GMDS: variants seen among roughly 807,000 people sequenced by gnomAD.
GMDS encodes GDP-mannose 4,6-dehydratase, also known as GDP-mannose 4,6 dehydratase.
A neutral mutation model predicts 49.9 loss-of-function variants in GMDS; 20 were observed. That is an observed-to-expected ratio of 0.40 (90% CI 0.28 to 0.58). The LOEUF is 0.58. GMDS is among the 20% of genes least tolerant of loss of function. GMDS has a pLI of 0.42. For missense variants in GMDS, 362 were observed against 481.4 expected (o/e 0.75, Z 2.32); for synonymous variants, 177 against 178.6 (o/e 0.99, Z 0.07).
At chr6:1,866,723 A>G (rs1758459051) in intron 7 of GMDS, among the ~76,000 whole-genome samples, 1 of 152,240 alleles carries the variant, frequency 6.6e-6, no homozygotes, top group South Asian at 2.1e-4. Context: ...TACAGCACCA[A>G]CATCCCAGAA....
At chr6:1,956,774 A>C (rs1763660112) in intron 6 of GMDS, among the ~76,000 whole-genome samples, 1 of 152,198 alleles carries the variant, frequency 6.6e-6, no homozygotes, top group African/African-American at 2.4e-5. Flanking sequence ...TCTGTTTATT[A>C]ATGTATATCA....
At chr6:2,231,960 A>T (rs1370840300) in intron 1 of GMDS, among the ~76,000 whole-genome samples, 1 of 152,152 alleles carries the variant, frequency 6.6e-6, no homozygotes, top group East Asian at 1.9e-4. Context: ...AAATTTTTTT[A>T]ATAGTATTCA....
intron 9 of GMDS, among the ~76,000 whole-genome samples, chr6:1,644,708 T>G (rs1047003759): frequency 1.3e-5 from 2 of 152,158 alleles, no homozygotes; most frequent in South Asian, 2.1e-4. Flanking sequence ...CTGTGAGGTT[T>G]TCTGGTGACC....
chr6:1,750,432 G>A (rs1767672283), intron 7 of GMDS, among the ~76,000 whole-genome samples: 1 of 152,170 alleles, frequency 6.6e-6, no homozygotes, highest in South Asian at 2.1e-4. Flanking sequence ...CCCATGGAGG[G>A]TGAGCCGAAG....
At chr6:1,701,955 A>G (rs1765556955) in intron 9 of GMDS, among the ~76,000 whole-genome samples, 1 of 152,254 alleles carries the variant, frequency 6.6e-6, no homozygotes, top group Non-Finnish European at 1.5e-5. Context: ...TGCCTTTTAC[A>G]GGCAGACATG....
intron 4 of GMDS, among the ~76,000 whole-genome samples, chr6:1,988,602 T>C (rs967211956): frequency 6.6e-6 from 1 of 152,200 alleles, no homozygotes; most frequent in Non-Finnish European, 1.5e-5. Context: ...GCATGCCATC[T>C]GTAATAATGC....
intron 9 of GMDS, among the ~76,000 whole-genome samples, chr6:1,647,968 A>G (rs1763537461): frequency 6.6e-6 from 1 of 152,162 alleles, no homozygotes; most frequent in Non-Finnish European, 1.5e-5. Flanking sequence ...CAGTTCCCAC[A>G]TCCCTGATGC....
At chr6:1,826,515 T>C (rs540522938) in intron 7 of GMDS, among the ~76,000 whole-genome samples, 1 of 152,366 alleles carries the variant, frequency 6.6e-6, no homozygotes, top group East Asian at 1.9e-4. Context: ...TATTTGGACC[T>C]TGTCTAAACC....
intron 7 of GMDS, among the ~76,000 whole-genome samples, chr6:1,848,960 T>C (rs1016167950): frequency 1.3e-5 from 2 of 152,174 alleles, no homozygotes; most frequent in South Asian, 4.1e-4. Context: ...CTGCAGGATG[T>C]GTAGCAGCAT....
intron 3 of GMDS, among the ~76,000 whole-genome samples, chr6:2,116,283 C>T (rs1216718313): frequency 6.6e-6 from 1 of 152,056 alleles, no homozygotes; most frequent in Non-Finnish European, 1.5e-5. Flanking sequence ...GAAGACAGCT[C>T]TCTTTTCTTT....
At chr6:1,639,981 G>C (rs1426355492) in intron 9 of GMDS, among the ~76,000 whole-genome samples, 1 of 152,214 alleles carries the variant, frequency 6.6e-6, no homozygotes, top group Non-Finnish European at 1.5e-5. Context: ...GTTCCATGAT[G>C]TATAAGCCTG....
At chr6:1,868,995 A>G (rs947837198) in intron 7 of GMDS, among the ~76,000 whole-genome samples, 2 of 152,250 alleles carry the variant, frequency 1.3e-5, no homozygotes, top group African/African-American at 4.8e-5. Flanking sequence ...CAAAAGAAAT[A>G]TTAAAATAGG....
chr6:2,170,796 C>T (rs968274662), intron 1 of GMDS, among the ~76,000 whole-genome samples: 3 of 152,020 alleles, frequency 2.0e-5, no homozygotes, highest in African/African-American at 7.3e-5. Context: ...GAGATCGAGA[C>T]CATCCTGACT....
chr6:2,065,436 G>A (rs1387667198), intron 4 of GMDS, among the ~76,000 whole-genome samples: 1 of 152,198 alleles, frequency 6.6e-6, no homozygotes, highest in Non-Finnish European at 1.5e-5. Context: ...TGACTTTGAC[G>A]AGCTGAGAGA....
chr6:2,156,694 T>A (rs1301885494), intron 1 of GMDS, among the ~76,000 whole-genome samples: 1 of 152,174 alleles, frequency 6.6e-6, no homozygotes, highest in Non-Finnish European at 1.5e-5. Flanking sequence ...GAGATTATGA[T>A]TCAAAACATC....
chr6:1,721,921 T>C (rs1024795496), intron 9 of GMDS, among the ~76,000 whole-genome samples: 12 of 152,112 alleles, frequency 7.9e-5, no homozygotes, highest in African/African-American at 2.4e-4. Context: ...AAAATGAGCA[T>C]CTTAAAACGT....
chr6:2,035,145 C>T (rs1769220187), intron 4 of GMDS, among the ~76,000 whole-genome samples: 1 of 152,102 alleles, frequency 6.6e-6, no homozygotes, highest in African/African-American at 2.4e-5. Context: ...TAAACAGAAC[C>T]CTCCCCCTGA....
intron 7 of GMDS, among the ~76,000 whole-genome samples, chr6:1,852,402 A>G (rs975513783): frequency 1.3e-5 from 2 of 152,094 alleles, no homozygotes; most frequent in African/African-American, 4.8e-5. Flanking sequence ...TAACGAGTAA[A>G]CTCAAAAATG....
At chr6:2,016,567 A>C (rs1361750651) in intron 4 of GMDS, among the ~76,000 whole-genome samples, 1 of 152,204 alleles carries the variant, frequency 6.6e-6, no homozygotes, top group Non-Finnish European at 1.5e-5. Context: ...TCGAGAAATA[A>C]CACTATCAAC....
Sources: allele counts gnomAD v4.1 joint callset (sites outside exome capture counted in the v4.1 genomes callset), GRCh38; gene constraint gnomAD v4.1.1; transcripts MANE v1.5; gene names NCBI Gene and HGNC (gene_info 2026-07-23, HGNC 2026-07-21).